The following RPS6KA3 variants were observed in gnomAD, a reference collection of about 807,000 sequenced individuals.
RPS6KA3 encodes the protein ribosomal protein S6 kinase alpha-3.
A neutral mutation model predicts 67.2 loss-of-function variants in RPS6KA3; 4 were observed. The ratio of observed to expected loss-of-function variants is 0.06; its 90% CI spans 0.03 to 0.14. The LOEUF (loss-of-function observed/expected upper bound fraction) is 0.14. Among genes scored for constraint, RPS6KA3 ranks in the 10% least tolerant of loss-of-function variants. The pLI, the probability that RPS6KA3 is intolerant of heterozygous loss-of-function variation, is 1.00. For synonymous variants in RPS6KA3, 182 were observed against 183.7 expected (o/e 0.99, Z 0.07); for missense variants, 204 against 559.0 (o/e 0.36, Z 6.40).
At chrX:20,213,140 A>T (rs1056319566) in intron 2 of RPS6KA3, among the ~76,000 whole-genome samples, 5 of 112,012 alleles carry the variant, frequency 4.5e-5, no homozygotes, top group African/African-American at 1.6e-4. Flanking sequence ...TCTCTTACAC[A>T]TAGCCTTTTG....
intron 1 of RPS6KA3, chrX:20,265,589 G>GA (rs1204168309): frequency 1.8e-5 from 2 of 111,942 alleles, no homozygotes; most frequent in Admixed American, 1.9e-4. Flanking sequence ...CAAGAAGGAA[G>GA]AATCACAGAC....
intron 18 of RPS6KA3, 123 bp from the exon 19 acceptor site, chrX:20,163,163 AC>A: frequency 1.9e-6 from 1 of 517,009 alleles, no homozygotes; most frequent in Non-Finnish European, 3.5e-6. Flanking sequence ...GAACATGGTT[AC>A]CAAATAAGGC....
chrX:20,215,911 G>A (rs768732250), intron 2 of RPS6KA3, among the ~76,000 whole-genome samples: 3 of 112,145 alleles, frequency 2.7e-5, no homozygotes, highest in Non-Finnish European at 5.6e-5. Context: ...TAAAATTATA[G>A]TTTGACTTGA....
chrX:20,210,468 A>G (rs1292877205), intron 2 of RPS6KA3, among the ~76,000 whole-genome samples: 1 of 111,925 alleles, frequency 8.9e-6, no homozygotes, highest in African/African-American at 3.2e-5. Context: ...AAACATTTGC[A>G]TTCAATTAAC....
chrX:20,200,089 G>GT (rs1408562277), intron 4 of RPS6KA3, among the ~76,000 whole-genome samples: 1 of 112,048 alleles, frequency 8.9e-6, no homozygotes, highest in African/African-American at 3.2e-5. Context: ...AAAAGAGACT[G>GT]AATACAGAAA....
intron 2 of RPS6KA3, among the ~76,000 whole-genome samples, chrX:20,227,986 G>C (rs2069166075): frequency 9.1e-6 from 1 of 110,061 alleles, no homozygotes; most frequent in Non-Finnish European, 1.9e-5. Context: ...TCTACTTTTT[G>C]AGAGCTTTCC....
chrX:20,225,905 G>C (rs984087549), intron 2 of RPS6KA3, among the ~76,000 whole-genome samples: 1 of 112,242 alleles, frequency 8.9e-6, no homozygotes, highest in Non-Finnish European at 1.9e-5. Context: ...AAGAAGTGGG[G>C]CCGAGTATGG....
At chrX:20,218,936 G>A in intron 2 of RPS6KA3, 1 of 676,622 alleles carries the variant, frequency 1.5e-6, no homozygotes, top group Non-Finnish European at 2.3e-6. Flanking sequence ...CCTACCAGCT[G>A]TTCCGGCAAT....
intron 3 of RPS6KA3, among the ~76,000 whole-genome samples, chrX:20,205,610 G>T (rs1018829626): frequency 2.7e-5 from 3 of 111,945 alleles, no homozygotes; most frequent in African/African-American, 6.5e-5. Flanking sequence ...CTTTCAGCCA[G>T]TTAGTGGGGA....
intron 1 of RPS6KA3, among the ~76,000 whole-genome samples, chrX:20,248,046 T>A (rs2069749143): frequency 8.9e-6 from 1 of 111,754 alleles, no homozygotes; most frequent in Non-Finnish European, 1.9e-5. Context: ...GTCGCTATTA[T>A]GAATGAGATC....
At chrX:20,260,938 T>C (rs927418570) in intron 1 of RPS6KA3, among the ~76,000 whole-genome samples, 1 of 112,303 alleles carries the variant, frequency 8.9e-6, no homozygotes, top group African/African-American at 3.2e-5. Context: ...AACACTTTGC[T>C]ATTAATCCAA....
At chrX:20,251,362 G>A (rs1008911975) in intron 1 of RPS6KA3, among the ~76,000 whole-genome samples, 1 of 112,571 alleles carries the variant, frequency 8.9e-6, no homozygotes, top group Admixed American at 9.3e-5. Context: ...AGCCGATCTC[G>A]AACTCCTGGG....
chrX:20,157,115 C>T (rs775834603), intron 20 of RPS6KA3, among the ~76,000 whole-genome samples: 46 of 112,002 alleles, frequency 4.1e-4, no homozygotes, highest in South Asian at 2.2e-3. Context: ...ATCTAAATGC[C>T]ATTCCTATGC....
intron 1 of RPS6KA3, among the ~76,000 whole-genome samples, chrX:20,251,237 T>C (rs1368848414): frequency 8.9e-6 from 1 of 112,253 alleles, no homozygotes; most frequent in Admixed American, 9.4e-5. Context: ...GCTCAAGTGA[T>C]CCTCCAGCTT....
At chrX:20,188,047 C>T (rs2068029443) in intron 8 of RPS6KA3, 77 bp from the exon 9 acceptor site, 2 of 938,759 alleles carry the variant, frequency 2.1e-6, no homozygotes, top group Admixed American at 5.0e-5. Context: ...TGACATTAAT[C>T]ATTTAAAATT....
intron 2 of RPS6KA3, among the ~76,000 whole-genome samples, chrX:20,224,365 C>A (rs2069059071): frequency 9.0e-6 from 1 of 110,728 alleles, no homozygotes; most frequent in African/African-American, 3.3e-5. Flanking sequence ...AACTTTTCTA[C>A]ACCATACATA....
intron 10 of RPS6KA3, among the ~76,000 whole-genome samples, chrX:20,182,047 A>T (rs192981610): frequency 3.5e-4 from 39 of 111,819 alleles, no homozygotes; most frequent in Non-Finnish European, 6.8e-4. Flanking sequence ...ACATCTTTTT[A>T]GACCTTTTAT....
At chrX:20,262,981 T>C (rs1461953506) in intron 1 of RPS6KA3, among the ~76,000 whole-genome samples, 1 of 111,455 alleles carries the variant, frequency 9.0e-6, no homozygotes, top group Admixed American at 9.5e-5. Flanking sequence ...TCATTTTCTA[T>C]AATAAAATAC....
At chrX:20,225,992 C>G (rs772762288) in intron 2 of RPS6KA3, among the ~76,000 whole-genome samples, 1 of 110,362 alleles carries the variant, frequency 9.1e-6, no homozygotes, top group African/African-American at 3.3e-5. Flanking sequence ...TTGAGACCAG[C>G]CTGACCAACA....
Sources: gnomAD v4.1 joint callset for allele counts (sites outside exome capture counted in the v4.1 genomes callset) on GRCh38, gnomAD v4.1.1 for gene constraint, MANE v1.5 for transcripts, NCBI Gene and HGNC (gene_info 2026-07-23, HGNC 2026-07-21) for gene names.